The following PCDHA6 variants were observed in gnomAD, a reference collection of about 807,000 sequenced individuals.
PCDHA6 encodes the protein protocadherin alpha-6.
A neutral mutation model predicts 60.3 loss-of-function variants in PCDHA6; 55 were observed. The ratio of observed to expected loss-of-function variants is 0.91; its 90% CI spans 0.73 to 1.14. The LOEUF (loss-of-function observed/expected upper bound fraction) is 1.14. Among genes scored for constraint, PCDHA6 ranks in the 50% most tolerant of loss-of-function variants. The probability of loss-of-function intolerance (pLI) is 0.00; values close to 1 mark genes in which losing one functional copy is unlikely to be tolerated. For missense variants in PCDHA6, 1,327 were observed against 1,256.5 expected (o/e 1.06, Z -0.85); for synonymous variants, 652 against 557.9 (o/e 1.17, Z -2.38).
At chr5:140,875,992 C>T in intron 1 of PCDHA6, 2 of 1,613,870 alleles carry the variant, frequency 1.2e-6, no homozygotes, top group African/African-American at 1.3e-5. Flanking sequence ...TGCGTTAAGT[C>T]TAAATGAGAA....
In PCDHA6 at chr5:140,843,765, A is replaced by G. The variant is rs2150366342; in HGVS notation, c.2394+13280A>G. 3 of 1,487,856 alleles carry G rather than the reference A, an allele frequency of 2.0e-6. No homozygotes were observed. In the South Asian group the frequency reaches 3.6e-5, roughly 18 times the overall value. The allele number at this position is 1,487,856 out of a possible 1,614,324, so 92.2% of individuals were successfully genotyped here. On this transcript the variant is annotated intron_variant, in intron 1 of 3. Transcript: ENST00000529310. ...CATAAATTCTATTTGTGGAAATTGT[A>G]GTTACTTTAAAAGTGTTTCAGATTT...
At chr5:140,836,021 C>G in intron 1 of PCDHA6, 3 of 1,613,388 alleles carry the variant, frequency 1.9e-6, no homozygotes, top group Non-Finnish European at 2.5e-6. Flanking sequence ...CGCCTCTGGG[C>G]AGCAACGTGA....
At chr5:140,850,428 C>T (rs2150483973) in intron 1 of PCDHA6, 1 of 1,597,938 alleles carries the variant, frequency 6.3e-7, no homozygotes, top group Admixed American at 1.7e-5. Context: ...CGCACCGCGC[C>T]AGCGCCTACT....
At chr5:140,851,758 C>A (rs1554145527) in intron 1 of PCDHA6, 1 of 969,910 alleles carries the variant, frequency 1.0e-6, no homozygotes, top group Non-Finnish European at 1.2e-6. Flanking sequence ...TAACTTAAAA[C>A]ATTACCCTTA....
At chr5:140,854,722 C>G (rs78325333) in intron 1 of PCDHA6, 1 of 149,404 alleles carries the variant, frequency 6.7e-6, no homozygotes, top group African/African-American at 2.5e-5. Flanking sequence ...ACAGAAAACT[C>G]AAGTTTTTTT....
chr5:140,958,077 A>G (rs2095408004), intron 1 of PCDHA6, among the ~76,000 whole-genome samples: 2 of 152,124 alleles, frequency 1.3e-5, no homozygotes, highest in South Asian at 4.1e-4. Flanking sequence ...AGAAGCAAAA[A>G]GTAAAGTTGT....
chr5:140,838,631 G>T (rs1181187323), intron 1 of PCDHA6, among the ~76,000 whole-genome samples: 2 of 151,888 alleles, frequency 1.3e-5, no homozygotes, highest in Non-Finnish European at 2.9e-5. Context: ...CAAATAATTT[G>T]GTTGGTCAAA....
At position 140,877,008 on chromosome 5, in the gene PCDHA6, G is replaced by A. The variant is rs368922456; in HGVS notation, c.2394+46523G>A. On this transcript the variant is annotated intron_variant, in intron 1 of 3. Coordinates refer to ENST00000529310, the MANE Select transcript of PCDHA6 (RefSeq NM_018909.4). Reference sequence around the variant, plus strand: ...TGTCGAGCTACGTGTCGGTGCACGCGGAGAGCGGCAAGGTGTACGCGCTGC... The same window carrying A: ...TGTCGAGCTACGTGTCGGTGCACGCAGAGAGCGGCAAGGTGTACGCGCTGC... 82 of 1,612,526 alleles carry A rather than the reference G, an allele frequency of 5.1e-5. No homozygotes were observed. The African/African-American group carries it at 9.3e-4, about 18-fold the overall frequency.
intron 1 of PCDHA6, among the ~76,000 whole-genome samples, chr5:140,949,420 G>A (rs1219049825): frequency 6.6e-6 from 1 of 151,726 alleles, no homozygotes; most frequent in African/African-American, 2.4e-5. Context: ...TCATCATTGT[G>A]TTTATCTCTT....
At chr5:140,871,405 C>T (rs1554165555) in intron 1 of PCDHA6, 10 of 1,614,106 alleles carry the variant, frequency 6.2e-6, no homozygotes, top group Non-Finnish European at 7.6e-6. Flanking sequence ...TAAGACGGAC[C>T]TCATGGCCTT....
intron 1 of PCDHA6, among the ~76,000 whole-genome samples, chr5:140,939,327 C>T (rs2092367339): frequency 6.6e-6 from 1 of 152,146 alleles, no homozygotes; most frequent in South Asian, 2.1e-4. Flanking sequence ...ATATCATAAT[C>T]TTAGGGGTTA....
chr5:140,832,241 T>C (rs2150200377), intron 1 of PCDHA6, among the ~76,000 whole-genome samples: 28 of 152,212 alleles, frequency 1.8e-4, no homozygotes, highest in Non-Finnish European at 3.4e-4. Context: ...ACTTTTTGTG[T>C]TGTCCATGTT....
intron 1 of PCDHA6, among the ~76,000 whole-genome samples, chr5:140,934,109 A>G (rs2089636629): frequency 6.6e-6 from 1 of 151,948 alleles, no homozygotes; most frequent in Non-Finnish European, 1.5e-5. Flanking sequence ...CTATTTTATT[A>G]ATTTTCATAC....
chr5:140,857,603 C>T lies in PCDHA6; in HGVS notation c.2394+27118C>T, dbSNP rs547758195. The T allele has an allele frequency of 1.4e-5, 22 of 1,596,384 alleles. 1 individual carries two copies. The highest frequency in any genetic ancestry group is 1.3e-4 in the South Asian group (12 of 90,484). On this transcript the variant is annotated intron_variant, in intron 1 of 3. Transcript: ENST00000529310. ...CGCGGAGAGCGGCAAGGTGTACGCG[C>T]TGCAGCCGCTGGACCACGAGGAGCT...
chr5:140,899,721 T>C (rs1415074846), intron 1 of PCDHA6, among the ~76,000 whole-genome samples: 1 of 152,250 alleles, frequency 6.6e-6, no homozygotes, highest in Non-Finnish European at 1.5e-5. Flanking sequence ...GATTCCCTCT[T>C]TTTCTATTGA....
intron 1 of PCDHA6, among the ~76,000 whole-genome samples, chr5:140,892,375 A>G (rs1032467069): frequency 1.3e-5 from 2 of 152,226 alleles, no homozygotes; most frequent in African/African-American, 4.8e-5. Flanking sequence ...GGCACTAGCA[A>G]TCATGGGTAA....
intron 2 of PCDHA6, among the ~76,000 whole-genome samples, chr5:140,979,595 A>G (rs1261298748): frequency 1.3e-5 from 2 of 152,212 alleles, no homozygotes; most frequent in African/African-American, 4.8e-5. Context: ...GCTTACTTTA[A>G]ATTAACCTAG....
chr5:140,849,692 C>T, intron 1 of PCDHA6: 2 of 1,598,700 alleles, frequency 1.3e-6, no homozygotes, highest in Non-Finnish European at 1.7e-6. Context: ...AGCTGGTGTC[C>T]ACCTACAAGA....
chr5:140,836,673 C>G (rs2150267482), intron 1 of PCDHA6: 2 of 1,613,246 alleles, frequency 1.2e-6, no homozygotes, highest in Non-Finnish European at 8.5e-7. Flanking sequence ...TGGGGAGGGC[C>G]CACCCAAGAC....
Sources: gnomAD v4.1 joint callset for allele counts (sites outside exome capture counted in the v4.1 genomes callset) on GRCh38, gnomAD v4.1.1 for gene constraint, MANE v1.5 for transcripts, NCBI Gene and HGNC (gene_info 2026-07-23, HGNC 2026-07-21) for gene names.